CPE: variants seen among roughly 807,000 people sequenced by gnomAD.
The protein encoded by CPE is carboxypeptidase E.
A neutral mutation model predicts 53.5 loss-of-function variants in CPE; 17 were observed. That is an observed-to-expected ratio of 0.32 (90% CI 0.22 to 0.48). The LOEUF (loss-of-function observed/expected upper bound fraction) is 0.48, where lower values mean the gene tolerates loss of function less well. Ranked by LOEUF, CPE falls within the 20% of genes least tolerant of loss-of-function variation. The probability of loss-of-function intolerance (pLI) is 0.99; values close to 1 mark genes in which losing one functional copy is unlikely to be tolerated. For missense variants in CPE, 524 were observed against 614.7 expected, an observed-to-expected ratio of 0.85 and a Z score of 1.56; for synonymous variants, 226 against 228.8, an observed-to-expected ratio of 0.99 and a Z score of 0.11.
intron 1 of CPE, among the ~76,000 whole-genome samples, chr4:165,428,180 T>A (rs1731353827): frequency 6.6e-6 from 1 of 152,138 alleles, no homozygotes; most frequent in Admixed American, 6.5e-5. Context: ...TATAGACACA[T>A]GCTGCTATGC....
intron 3 of CPE, among the ~76,000 whole-genome samples, chr4:165,470,321 G>A (rs1189848419): frequency 6.6e-6 from 1 of 152,070 alleles, no homozygotes; most frequent in Non-Finnish European, 1.5e-5. Flanking sequence ...TCTTCCCTTG[G>A]GGTGGGCTGT....
At chr4:165,404,290 C>G in intron 1 of CPE, 2 of 769,836 alleles carry the variant, frequency 2.6e-6, no homozygotes, top group Non-Finnish European at 4.8e-6. Context: ...TCCCCTCTTG[C>G]GGGCACGTGA....
intron 1 of CPE, among the ~76,000 whole-genome samples, chr4:165,384,967 CTCTT>C (rs1296673211): frequency 1.3e-5 from 2 of 152,150 alleles, no homozygotes; most frequent in African/African-American, 2.4e-5. Context: ...TTTTTTCTCT[CTCTT>C]ACAGAGCTGA....
chr4:165,482,489 G>GT, intron 4 of CPE, 130 bp downstream of exon 4: 1 of 651,510 alleles, frequency 1.5e-6, no homozygotes, highest in Admixed American at 2.6e-5. Context: ...AAAGAACTAT[G>GT]TTTAACAGGA....
chr4:165,458,324 A>G (rs1351509904), intron 1 of CPE, among the ~76,000 whole-genome samples: 1 of 152,214 alleles, frequency 6.6e-6, no homozygotes, highest in Admixed American at 6.5e-5. Flanking sequence ...AAATTACACT[A>G]TTGTTTTTCA....
chr4:165,383,519 T>C (rs1379656934), intron 1 of CPE, among the ~76,000 whole-genome samples: 1 of 152,248 alleles, frequency 6.6e-6, no homozygotes, highest in Non-Finnish European at 1.5e-5. Flanking sequence ...CAAGATAGCT[T>C]TTGGGAAGTA....
rs1730936458 is a variant in CPE, at chr4:165,405,375, GCT to G, written c.307+25851_307+25852del. 5.4e-6 allele frequency: 7 copies of G among 1,294,352 alleles called. No individual in the cohort carries two copies. The East Asian group carries it at 1.6e-4, about 30-fold the overall frequency. The allele number at this position is 1,294,352 out of a possible 1,614,324, so 80.2% of individuals were successfully genotyped here. ...GCCTTTGATTCTTTGGTCATTGCAA[GCT>G]CTCCGAATTTCTGAGATTCAGAGAG... On this transcript the variant is annotated intron_variant, in intron 1 of 8. Coordinates refer to ENST00000402744, the MANE Select transcript of CPE (RefSeq NM_001873.4).
At chr4:165,390,475 G>C (rs1317323143) in intron 1 of CPE, among the ~76,000 whole-genome samples, 1 of 152,192 alleles carries the variant, frequency 6.6e-6, no homozygotes, top group Non-Finnish European at 1.5e-5. Context: ...GAAAACTTTA[G>C]AGGTGTTGAA....
rs1313769508 is a variant in CPE, at chr4:165,379,296, C to T, written c.75C>T (p.Ala25=). ...ALAACGWLLG[A]EAQEPGAPAA... is the part of the protein sequence containing the mutation. ...CTGCCTGCGGGTGGCTCCTGGGCGC[C>T]GAAGCCCAGGAGCCCGGGGCGCCCG... Residue 25 remains alanine (A), a synonymous_variant, in exon 1 of 9, where the codon GCC becomes GCT. Transcript: ENST00000402744. The surrounding 1 kb of genome is among the most constrained non-coding windows in gnomAD (Gnocchi z 6.0). 5.3e-6 allele frequency: 8 copies of T among 1,522,402 alleles called. No individual in the cohort carries two copies. In the East Asian group the frequency reaches 2.0e-4, roughly 37 times the overall value. The allele number at this position is 1,522,402 out of a possible 1,614,324, so 94.3% of individuals were successfully genotyped here.
At position 165,498,332 on chromosome 4, in the gene CPE, T is replaced by G. The variant is rs1015348058; in HGVS notation, c.*722T>G. ...AAAAAAAAATCCCCAGTGCATGTAT[T>G]TCAGTTCTCTAAGATTTTTGGTCTG... is the stretch of plus-strand genomic sequence containing the variant. On this transcript the variant is annotated 3_prime_UTR_variant, in exon 9 of 9. Coordinates refer to ENST00000402744, the MANE Select transcript of CPE (RefSeq NM_001873.4). 1 of 152,168 alleles carries G rather than the reference T, an allele frequency of 6.6e-6. No individual in the cohort carries two copies. The highest frequency in any genetic ancestry group is 2.4e-5 in the African/African-American group (1 of 41,440). 9.4% of individuals were successfully genotyped at this position (152,168 alleles called of 1,614,324 possible). A position where few individuals can be genotyped will look rare whatever the true frequency, so the allele number is the denominator to read the frequency against.
chr4:165,458,357 T>C (rs569321436), intron 1 of CPE, among the ~76,000 whole-genome samples: 1 of 152,356 alleles, frequency 6.6e-6, no homozygotes, highest in South Asian at 2.1e-4. Context: ...GTTTATTACA[T>C]GTACCAGGAA....
Position 165,464,734 on chromosome 4 carries a change from C to T in CPE, c.504+148C>T, listed in dbSNP as rs920224297. The T allele has an allele frequency of 3.7e-5, 22 of 593,940 alleles. 1 individual carries two copies. The South Asian group carries it at 8.0e-4, about 22-fold the overall frequency. 36.8% of individuals were successfully genotyped at this position (593,940 alleles called of 1,614,324 possible). A position where few individuals can be genotyped will look rare whatever the true frequency, so the allele number is the denominator to read the frequency against. On this transcript the variant is annotated intron_variant, in intron 2 of 8. Coordinates refer to ENST00000402744, the MANE Select transcript of CPE (RefSeq NM_001873.4). ...GTGATGCATTCATTATTCAACTCAC[C>T]AGTAAGAAAATAGTTTAGAATGAAA...
chr4:165,468,436 A>G (rs1732146011), intron 3 of CPE, among the ~76,000 whole-genome samples: 1 of 152,086 alleles, frequency 6.6e-6, no homozygotes, highest in African/African-American at 2.4e-5. Flanking sequence ...TTCCACAGAG[A>G]TTTATGTCTC....
intron 1 of CPE, among the ~76,000 whole-genome samples, chr4:165,411,892 G>T (rs1333228467): frequency 2.0e-5 from 3 of 152,150 alleles, no homozygotes; most frequent in Non-Finnish European, 4.4e-5. Flanking sequence ...GGGAAGAAGG[G>T]TAGTGGGGGC....
chr4:165,459,159 A>G (rs144154502), intron 1 of CPE, among the ~76,000 whole-genome samples: 34 of 152,316 alleles, frequency 2.2e-4, no homozygotes, highest in Admixed American at 2.0e-3. Context: ...TGATTTAGTT[A>G]TTTCAAATCA....
At position 165,444,025 on chromosome 4, in the gene CPE, A is replaced by T. The variant is rs530617351; in HGVS notation, c.308-20365A>T. On this transcript the variant is annotated intron_variant, in intron 1 of 8. Coordinates refer to ENST00000402744, the MANE Select transcript of CPE (RefSeq NM_001873.4). ...GTGCCTTGACCTTGGCCATCCTAGCATTCTGAACTGTGAGAAATTCATTTC... is the reference window on the plus strand; with the variant it reads ...GTGCCTTGACCTTGGCCATCCTAGCTTTCTGAACTGTGAGAAATTCATTTC... 3.7e-3 allele frequency among the ~76,000 whole-genome samples: 557 copies of T among 152,312 alleles called. 4 individuals are homozygous for T. The highest frequency in any genetic ancestry group is 0.013 in the African/African-American group (535 of 41,572).
chr4:165,463,409 C>T (rs1288438917), intron 1 of CPE, among the ~76,000 whole-genome samples: 3 of 151,950 alleles, frequency 2.0e-5, no homozygotes, highest in Admixed American at 6.6e-5. Flanking sequence ...TTATAATAAC[C>T]TTCCGTATGG....
chr4:165,396,670 C>CA (rs55987493), intron 1 of CPE, among the ~76,000 whole-genome samples: 16,300 of 133,514 alleles, frequency 0.12, 1,606 homozygotes, highest in African/African-American at 0.29. Flanking sequence ...GATTCTGTCT[C>CA]AAAAAAAAAA....
intron 1 of CPE, among the ~76,000 whole-genome samples, chr4:165,442,403 A>G (rs1480195277): frequency 6.6e-6 from 1 of 152,148 alleles, no homozygotes; most frequent in Non-Finnish European, 1.5e-5. Context: ...GTGTATCCAC[A>G]GTACTACTTC....
Sources: allele counts gnomAD v4.1 joint callset (sites outside exome capture counted in the v4.1 genomes callset), GRCh38; gene constraint gnomAD v4.1.1; non-coding constraint Gnocchi (gnomAD v3.1); transcripts MANE v1.5; gene names NCBI Gene and HGNC (gene_info 2026-07-23, HGNC 2026-07-21).